The following PCDHA12 variants were observed in gnomAD, a reference collection of about 807,000 sequenced individuals.
PCDHA12 encodes protocadherin alpha-12.
Under a neutral mutation model 60.0 loss-of-function variants are expected in PCDHA12, and 44 were observed. The observed-to-expected ratio is 0.73, with a 90% CI of 0.58 to 0.94. PCDHA12 has a LOEUF of 0.94. PCDHA12 is among the 40% of genes least tolerant of loss of function. PCDHA12 has a pLI of 0.00. For synonymous variants in PCDHA12, 569 were observed against 553.0 expected, an observed-to-expected ratio of 1.03 and a Z score of -0.40; for missense variants, 1,276 against 1,239.7, an observed-to-expected ratio of 1.03 and a Z score of -0.44.
chr5:140,942,633 G>T (rs1554215141), intron 1 of PCDHA12, among the ~76,000 whole-genome samples: 1 of 151,380 alleles, frequency 6.6e-6, no homozygotes, highest in Non-Finnish European at 1.5e-5. Context: ...AAAAAAAATG[G>T]CAAAAGAGAT....
chr5:140,966,599 C>T, intron 1 of PCDHA12: 1 of 631,096 alleles, frequency 1.6e-6, no homozygotes, highest in Non-Finnish European at 2.4e-6. Context: ...GGCCAGGAGC[C>T]CTTGGGAGGG....
intron 3 of PCDHA12, among the ~76,000 whole-genome samples, chr5:140,989,886 C>T (rs954644773): frequency 1.3e-5 from 2 of 151,784 alleles, no homozygotes. Flanking sequence ...CACTTGGAGT[C>T]TCCGTTATTC....
chr5:140,929,205 G>A (rs201292001), intron 1 of PCDHA12: 14 of 1,614,120 alleles, frequency 8.7e-6, no homozygotes, highest in Non-Finnish European at 1.2e-5. Flanking sequence ...GTTTGCTGTT[G>A]CGTGGGGAGT....
At position 140,914,532 on chromosome 5, in the gene PCDHA12, A is replaced by G. The variant is rs1440968686; in HGVS notation, c.2367+36693A>G. ...GTCATGTTTTTTCATCCATTCAGCC[A>G]CTTTATTTCTTTTTATTGGAGAGTT... On this transcript the variant is annotated intron_variant, in intron 1 of 3. Coordinates refer to ENST00000398631, the MANE Select transcript of PCDHA12 (RefSeq NM_018903.4). Among the ~76,000 whole-genome samples the G allele has an allele frequency of 3.3e-5, 5 of 152,070 alleles. 1 individual carries two copies. Among genetic ancestry groups the G allele is most frequent in the Admixed American group, 3.3e-4 (5 of 15,252 alleles).
chr5:140,961,477 G>T (rs2095615587), intron 1 of PCDHA12, among the ~76,000 whole-genome samples: 1 of 152,006 alleles, frequency 6.6e-6, no homozygotes, highest in African/African-American at 2.4e-5. Flanking sequence ...TTTTTGTCTT[G>T]TCCACGTGAG....
At chr5:140,902,677 G>A (rs1457054226) in intron 1 of PCDHA12, among the ~76,000 whole-genome samples, 6 of 151,960 alleles carry the variant, frequency 3.9e-5, no homozygotes, top group Non-Finnish European at 5.9e-5. Flanking sequence ...AGTGTACACC[G>A]TACCTAATAT....
chr5:141,001,324 C>G (rs1455380423), intron 3 of PCDHA12, among the ~76,000 whole-genome samples: 2 of 152,154 alleles, frequency 1.3e-5, no homozygotes, highest in Non-Finnish European at 1.5e-5. Flanking sequence ...TGCCAAACAT[C>G]ACCATAATTT....
chr5:140,951,603 T>G (rs1056623799), intron 1 of PCDHA12, among the ~76,000 whole-genome samples: 2 of 152,094 alleles, frequency 1.3e-5, no homozygotes, highest in African/African-American at 4.8e-5. Flanking sequence ...CTCACTGTTA[T>G]GAGAATAGCA....
At chr5:140,900,429 C>A (rs1202126306) in intron 1 of PCDHA12, among the ~76,000 whole-genome samples, 1 of 152,174 alleles carries the variant, frequency 6.6e-6, no homozygotes, top group East Asian at 1.9e-4. Context: ...AGGCACGTGC[C>A]ACCACGGCCG....
intron 1 of PCDHA12, among the ~76,000 whole-genome samples, chr5:140,957,285 G>A (rs1036077483): frequency 2.0e-5 from 3 of 152,144 alleles, no homozygotes; most frequent in Non-Finnish European, 4.4e-5. Context: ...CTTACCTGCA[G>A]TTTCACTCTG....
At chr5:140,917,339 A>T (rs1199530347) in intron 1 of PCDHA12, among the ~76,000 whole-genome samples, 36 of 112,892 alleles carry the variant, frequency 3.2e-4, no homozygotes, top group East Asian at 2.4e-3. Context: ...GAGGGGGGGG[A>T]TGGTGTAGGC....
intron 3 of PCDHA12, among the ~76,000 whole-genome samples, chr5:140,996,100 G>A (rs1554255000): frequency 1.3e-5 from 2 of 152,190 alleles, no homozygotes; most frequent in Non-Finnish European, 2.9e-5. Flanking sequence ...TACATGGAAT[G>A]GTATGGAAGT....
rs782346114 is a variant in PCDHA12 at position 140,875,419 on chromosome 5, G to A, written c.-54G>A. The A allele has an allele frequency of 3.4e-5, 51 of 1,516,154 alleles. No individual in the cohort carries two copies. The highest frequency in any genetic ancestry group is 4.8e-5 in the Admixed American group (2 of 41,818). The allele number at this position is 1,516,154 out of a possible 1,614,324, so 93.9% of individuals were successfully genotyped here. On this transcript the variant is annotated 5_prime_UTR_variant, in exon 1 of 4. Transcript: ENST00000398631. The stretch of plus-strand genomic sequence containing the variant: ...GGTGACTGCTCATAAAATACCTCAG[G>A]CAAGCGATCCCTTAAAACTGATTGT...
chr5:140,946,611 A>AATATATATATAT lies in PCDHA12; in HGVS notation c.2368-32328_2368-32317dup, dbSNP rs1554217734. 3.4e-3 allele frequency among the ~76,000 whole-genome samples: 291 copies of AATATATATATAT among 86,770 alleles called. 7 individuals carry two copies. The highest frequency in any genetic ancestry group is 4.0e-3 in the Non-Finnish European group (186 of 46,640). 56.9% of individuals were successfully genotyped at this position (86,770 alleles called of 152,430 possible). A position where few individuals can be genotyped will look rare whatever the true frequency, so the allele number is the denominator to read the frequency against. On this transcript the variant is annotated intron_variant, in intron 1 of 3. Coordinates refer to ENST00000398631, the MANE Select transcript of PCDHA12 (RefSeq NM_018903.4). ...GGATGAATAGATAAAGAAAATGTGA[A>AATATATATATAT]ATATATATATATATATATATACAAT...
rs781875497 is a variant in PCDHA12 at position 140,995,949 on chromosome 5, G to A, written c.2515+13386G>A. Among the ~76,000 whole-genome samples, 8 of 152,160 alleles carry A rather than the reference G, an allele frequency of 5.3e-5. No homozygotes were observed. In the East Asian group the frequency reaches 7.7e-4, roughly 15 times the overall value. ...GTAAGTATTAAATGACATAATGCACGCAAAATGCTTAGAACCATGCTTAGT... is the reference window on the plus strand; with the variant it reads ...GTAAGTATTAAATGACATAATGCACACAAAATGCTTAGAACCATGCTTAGT... On this transcript the variant is annotated intron_variant, in intron 3 of 3. Transcript: ENST00000398631.
chr5:140,895,515 G>A (rs2065042106), intron 1 of PCDHA12, among the ~76,000 whole-genome samples: 1 of 151,948 alleles, frequency 6.6e-6, no homozygotes, highest in Non-Finnish European at 1.5e-5. Flanking sequence ...ATTTTTAATT[G>A]GTTTATTCGT....
chr5:140,876,581 C>G lies in PCDHA12; in HGVS notation c.1109C>G (p.Ala370Gly), dbSNP rs782654448. ...QEDAQVGTVI[A>G]LISVSDRDSG... ...GATGCTCAGGTGGGTACCGTCATTG[C>G]CCTGATTAGCGTGTCGGATCGTGAC... Residue 370 changes from alanine to glycine, a missense_variant, in exon 1 of 4, where the codon GCC becomes GGC. Coordinates refer to ENST00000398631, the MANE Select transcript of PCDHA12 (RefSeq NM_018903.4). The G allele has an allele frequency of 1.9e-6, 3 of 1,614,200 alleles. No homozygotes were observed. Among genetic ancestry groups the G allele is most frequent in the Non-Finnish European group, 2.5e-6 (3 of 1,180,044 alleles).
chr5:140,965,035 C>T (rs978573637), intron 1 of PCDHA12, among the ~76,000 whole-genome samples: 6 of 152,108 alleles, frequency 3.9e-5, no homozygotes, highest in Non-Finnish European at 5.9e-5. Context: ...TTTAACTGTC[C>T]GCTCTAGGAG....
At chr5:140,926,749 G>C (rs541261946) in intron 1 of PCDHA12, 4 of 1,237,260 alleles carry the variant, frequency 3.2e-6, no homozygotes, top group Non-Finnish European at 3.1e-6. Context: ...CAACGTCGGC[G>C]GTCGCTGAGT....
Sources: gnomAD v4.1 joint callset for allele counts (sites outside exome capture counted in the v4.1 genomes callset) on GRCh38, gnomAD v4.1.1 for gene constraint, MANE v1.5 for transcripts, NCBI Gene and HGNC (gene_info 2026-07-23, HGNC 2026-07-21) for gene names.